Variants in ADGRA3 observed in about 807,000 individuals in gnomAD.
ADGRA3 encodes G-protein coupled receptor 125.
Under a neutral mutation model 119.8 loss-of-function variants are expected in ADGRA3, and 56 were observed. The ratio of observed to expected loss-of-function variants is 0.47; its 90% CI spans 0.38 to 0.58. ADGRA3 has a LOEUF of 0.58. ADGRA3 is among the 20% of genes least tolerant of loss of function. ADGRA3 has a pLI of 0.00. For missense variants in ADGRA3, 1,516 were observed against 1,649.0 expected, an observed-to-expected ratio of 0.92 and a Z score of 1.40; for synonymous variants, 607 against 623.8, an observed-to-expected ratio of 0.97 and a Z score of 0.40.
In ADGRA3 at chr4:22,420,992, C is replaced by T. The variant is rs148867805; in HGVS notation, c.1703G>A (p.Arg568His). 1,678 of 1,614,046 alleles carry T rather than the reference C, an allele frequency of 1.0e-3. 2 individuals are homozygous for T. The highest frequency in any genetic ancestry group is 2.6e-3 in the South Asian group (235 of 91,078). Residue 568 changes from arginine to histidine, a missense_variant, in exon 12 of 19, where the codon CGT becomes CAT. By Grantham distance (29) the Arg-to-His change is conservative. Transcript: ENST00000334304. ...TVFQKVAASD[R>H]TGLSDYGRRD... ...CCTCCCATAATCCGAAAGTCCTGTA[C>T]GATCAGAGGCTGCCACTTTCTGGAA...
rs1577345294 is a variant in ADGRA3, at chr4:22,432,882, A to AAGAATAACTTTCAGAC, written c.1443+2413_1443+2428dup. Among the ~76,000 whole-genome samples, 6 of 152,336 alleles carry AAGAATAACTTTCAGAC rather than the reference A, an allele frequency of 3.9e-5. No individual in the cohort carries two copies. The East Asian group carries it at 9.6e-4, about 24-fold the overall frequency. Reference sequence around the variant, plus strand: ...ACTTTTGTTATGAAATCACTCATAAAAGAATAACTTTCAGACATAATACAA... The same window carrying AAGAATAACTTTCAGAC: ...ACTTTTGTTATGAAATCACTCATAAAAGAATAACTTTCAGACAGAATAACTTTCAGACATAATACAA... On this transcript the variant is annotated intron_variant, in intron 10 of 18. Transcript: ENST00000334304.
chr4:22,468,138 C>G (rs1046314324), intron 2 of ADGRA3, among the ~76,000 whole-genome samples: 1 of 152,152 alleles, frequency 6.6e-6, no homozygotes, highest in Admixed American at 6.5e-5. Context: ...CTATGGTATC[C>G]CAGGTTCAGA....
At chr4:22,401,078 C>CACATAAAATAATTTTTAAAA (rs1308727914) in intron 16 of ADGRA3, among the ~76,000 whole-genome samples, 3 of 152,088 alleles carry the variant, frequency 2.0e-5, no homozygotes, top group African/African-American at 7.2e-5. Context: ...TTTTCATCAA[C>CACATAAAATAATTTTTAAAA]ACATAAAATA....
intron 12 of ADGRA3, among the ~76,000 whole-genome samples, chr4:22,415,018 G>T (rs1259533978): frequency 2.6e-5 from 4 of 151,340 alleles, no homozygotes; most frequent in African/African-American, 9.7e-5. Flanking sequence ...CTTCAGATTA[G>T]CTGCTTCCTC....
At chr4:22,480,739 GT>G (rs1214427440) in intron 1 of ADGRA3, among the ~76,000 whole-genome samples, 1 of 152,014 alleles carries the variant, frequency 6.6e-6, no homozygotes. Flanking sequence ...GTATACTTAC[GT>G]TGGTTCCAAT....
chr4:22,415,329 T>A (rs2109026619), intron 12 of ADGRA3, among the ~76,000 whole-genome samples: 1 of 152,276 alleles, frequency 6.6e-6, no homozygotes, highest in South Asian at 2.1e-4. Flanking sequence ...CCCATAAATA[T>A]CTTTTCAATG....
intron 5 of ADGRA3, among the ~76,000 whole-genome samples, 197 bp downstream of exon 5, chr4:22,447,243 G>A (rs935988472): frequency 6.6e-6 from 1 of 152,048 alleles, no homozygotes; most frequent in Admixed American, 6.5e-5. Context: ...ATCCTAAGGA[G>A]AAAACAGTTG....
At chr4:22,392,908 A>G in intron 16 of ADGRA3, 1 of 481,918 alleles carries the variant, frequency 2.1e-6, no homozygotes, top group Non-Finnish European at 3.6e-6. Context: ...GGCTCTAGGA[A>G]GCCCACAAAC....
chr4:22,446,978 A>G (rs890948907), intron 5 of ADGRA3, among the ~76,000 whole-genome samples: 1 of 152,152 alleles, frequency 6.6e-6, no homozygotes, highest in African/African-American at 2.4e-5. Context: ...TCATAAAGTA[A>G]GCATTCTAAA....
intron 4 of ADGRA3, among the ~76,000 whole-genome samples, chr4:22,452,372 T>G (rs1717078236): frequency 6.6e-6 from 1 of 152,136 alleles, no homozygotes; most frequent in Admixed American, 6.5e-5. Flanking sequence ...GTAACAAAAC[T>G]GCACCTGTAC....
At chr4:22,404,630 C>A (rs1452297409) in intron 14 of ADGRA3, among the ~76,000 whole-genome samples, 3 of 152,132 alleles carry the variant, frequency 2.0e-5, no homozygotes, top group Non-Finnish European at 4.4e-5. Flanking sequence ...GAACACAGTT[C>A]CAACCCTTGG....
chr4:22,442,951 A>C, intron 6 of ADGRA3, 88 bp from the exon 7 acceptor site: 1 of 984,058 alleles, frequency 1.0e-6, no homozygotes, highest in Non-Finnish European at 1.6e-6. Context: ...GTAAAATAAT[A>C]AAAACAGAAC....
chr4:22,461,841 T>C, intron 2 of ADGRA3, 33 bp from the exon 3 acceptor site: 1 of 1,354,734 alleles, frequency 7.4e-7, no homozygotes, highest in Non-Finnish European at 1.1e-6. Flanking sequence ...TATTCACATA[T>C]CAACACTGCA....
chr4:22,448,816 AC>A (rs985906841), intron 4 of ADGRA3, among the ~76,000 whole-genome samples: 36 of 152,180 alleles, frequency 2.4e-4, no homozygotes, highest in African/African-American at 8.7e-4. Flanking sequence ...CAGAATAAGT[AC>A]CTAGGAACTT....
At position 22,436,477 on chromosome 4, in the gene ADGRA3, G is replaced by C. The variant is rs1716397402; in HGVS notation, c.1250C>G (p.Ala417Gly). 1 of 1,612,050 alleles carries C rather than the reference G, an allele frequency of 6.2e-7. No individual in the cohort carries two copies. Among genetic ancestry groups the C allele is most frequent in the African/African-American group, 1.3e-5 (1 of 74,814 alleles). ...ATAAAGAACTCTAGTGACATCATTTGCATACTGACAGCGAGAATAATCATC... is the reference window on the plus strand; with the variant it reads ...ATAAAGAACTCTAGTGACATCATTTCCATACTGACAGCGAGAATAATCATC... The part of the protein sequence containing the change: ...ADDDYSRCQY[A>G]NDVTRVLYMF... The change falls in exon 9 of 19, where the codon GCA becomes GGA. Residue 417 changes from alanine (A) to glycine (G), a missense_variant. Physicochemically the swap from Ala to Gly is moderately conservative, Grantham distance 60 (BLOSUM62 0). Transcript: ENST00000334304.
At chr4:22,405,859 T>C (rs1421667481) in intron 14 of ADGRA3, among the ~76,000 whole-genome samples, 4 of 152,176 alleles carry the variant, frequency 2.6e-5, no homozygotes, top group South Asian at 2.1e-4. Context: ...AAATATGCAA[T>C]AGATTTTTGA....
In ADGRA3 at chr4:22,395,309, C is replaced by G. The variant is rs928977965; in HGVS notation, c.2482-2619G>C. On this transcript the variant is annotated intron_variant, in intron 16 of 18. Coordinates refer to ENST00000334304, the MANE Select transcript of ADGRA3 (RefSeq NM_145290.4). ...GTTCATTTAACAACCAATACGCCTACAGCAGTGCATTATGCATAACAATTG... is the reference window on the plus strand; with the variant it reads ...GTTCATTTAACAACCAATACGCCTAGAGCAGTGCATTATGCATAACAATTG... Among the ~76,000 whole-genome samples the G allele has an allele frequency of 2.6e-5, 4 of 152,256 alleles. No individual in the cohort carries two copies. The East Asian group carries it at 5.8e-4, about 22-fold the overall frequency.
intron 1 of ADGRA3, among the ~76,000 whole-genome samples, chr4:22,482,666 A>G (rs947141233): frequency 6.6e-6 from 1 of 152,152 alleles, no homozygotes; most frequent in African/African-American, 2.4e-5. Flanking sequence ...CCCTGTCTCA[A>G]ACAAAACAAA....
intron 10 of ADGRA3, among the ~76,000 whole-genome samples, chr4:22,426,819 C>T (rs1471135434): frequency 1.3e-5 from 2 of 152,116 alleles, no homozygotes; most frequent in African/African-American, 4.8e-5. Flanking sequence ...CTGCAGAATC[C>T]TCAGTTGGTT....
Sources: gnomAD v4.1 joint callset for allele counts (sites outside exome capture counted in the v4.1 genomes callset) on GRCh38, gnomAD v4.1.1 for gene constraint, MANE v1.5 for transcripts, NCBI Gene and HGNC (gene_info 2026-07-23, HGNC 2026-07-21) for gene names.